CCDC33: variants seen among roughly 807,000 people sequenced by gnomAD.
CCDC33 encodes the protein coiled-coil domain containing 33, also known as coiled-coil domain-containing protein 33.
CCDC33 carries 94 observed loss-of-function variants against 91.9 expected under a neutral mutation model. The ratio of observed to expected loss-of-function variants is 1.02; its 90% CI spans 0.87 to 1.21. The LOEUF is 1.21. Among genes scored for constraint, CCDC33 ranks in the 50% most tolerant of loss-of-function variants. CCDC33 has a pLI of 0.00. For missense variants in CCDC33, 940 were observed against 935.5 expected (o/e 1.00, Z -0.06); for synonymous variants, 396 against 374.5 (o/e 1.06, Z -0.66).
downstream of CCDC33, chr15:74,336,422 C>T (rs1470254164): frequency 1.5e-6 from 2 of 1,301,992 alleles, no homozygotes; most frequent in Non-Finnish European, 2.0e-6. Flanking sequence ...GGAGGCTTGT[C>T]CTTTTCATCT....
At chr15:74,297,544 A>G (rs1363963706) in intron 11 of CCDC33, among the ~76,000 whole-genome samples, 2 of 152,156 alleles carry the variant, frequency 1.3e-5, no homozygotes, top group African/African-American at 4.8e-5. Flanking sequence ...AATTCAAAAA[A>G]TTAGCTGGAC....
rs151301345 is a variant in CCDC33, at chr15:74,305,630, A to T, written c.1290+9682A>T. Among the ~76,000 whole-genome samples the T allele has an allele frequency of 1.4e-4, 21 of 151,746 alleles. No homozygotes were observed. The East Asian group carries it at 3.7e-3, about 27-fold the overall frequency. ...TGTCTGGTGCCCCCAACCTCCTCAG[A>T]CCCCCAGCTGTCTCTCCTTTCCCTG... is the stretch of plus-strand genomic sequence containing the variant. On this transcript the variant is annotated intron_variant, in intron 11 of 18. Transcript: ENST00000398814.
At chr15:74,224,846 G>T (rs2074736060) in intron 2 of CCDC33, among the ~76,000 whole-genome samples, 1 of 152,158 alleles carries the variant, frequency 6.6e-6, no homozygotes, top group African/African-American at 2.4e-5. Flanking sequence ...TCTGGGCCTT[G>T]GTTTCTGCAC....
At chr15:74,263,756 G>A (rs2076091080) in intron 3 of CCDC33, among the ~76,000 whole-genome samples, 1 of 152,160 alleles carries the variant, frequency 6.6e-6, no homozygotes, top group South Asian at 2.1e-4. Context: ...TGTACTTGTA[G>A]GCATGCATGT....
At chr15:74,320,910 A>G (rs1339301198) in intron 11 of CCDC33, among the ~76,000 whole-genome samples, 4 of 152,090 alleles carry the variant, frequency 2.6e-5, no homozygotes, top group Non-Finnish European at 5.9e-5. Flanking sequence ...AGTGGGTTCT[A>G]TTGTCCTTCA....
chr15:74,206,185 C>T (rs915105504), intron 1 of CCDC33, among the ~76,000 whole-genome samples: 6 of 152,122 alleles, frequency 3.9e-5, no homozygotes, highest in Non-Finnish European at 8.8e-5. Flanking sequence ...TTGTGACTTC[C>T]TAGGTGCCCC....
intron 9 of CCDC33, 32 bp downstream of exon 9, chr15:74,280,833 C>T (rs373552583): frequency 3.2e-5 from 46 of 1,432,294 alleles, no homozygotes; most frequent in Admixed American, 2.3e-4. Flanking sequence ...GGGCCCCTAG[C>T]GTGCCCACCT....
At chr15:74,333,275 A>T (rs754606202) in intron 16 of CCDC33, 7 of 1,602,478 alleles carry the variant, frequency 4.4e-6, no homozygotes, top group Non-Finnish European at 5.1e-6. Flanking sequence ...GCTACAAGAG[A>T]CGCATGGCCC....
At chr15:74,248,036 C>T (rs1350645439) in intron 2 of CCDC33, among the ~76,000 whole-genome samples, 1 of 151,958 alleles carries the variant, frequency 6.6e-6, no homozygotes, top group African/African-American at 2.4e-5. Flanking sequence ...GAGACTGTGC[C>T]AGTGCACTCC....
At chr15:74,231,299 A>C (rs79006680) in intron 2 of CCDC33, among the ~76,000 whole-genome samples, 229 of 152,330 alleles carry the variant, frequency 1.5e-3, no homozygotes, top group African/African-American at 5.4e-3. Context: ...CTCATAATCA[A>C]ACAGCCCTGC....
At chr15:74,215,885 AAAAAGAAAG>A (rs2074432505), upstream of CCDC33, among the ~76,000 whole-genome samples, 1 of 147,528 alleles carries the variant, frequency 6.8e-6, no homozygotes, top group African/African-American at 2.6e-5. Context: ...AAAAAAAAAA[AAAAAGAAAG>A]AAAGAAAGAA....
At chr15:74,291,495 G>A (rs964687967) in intron 10 of CCDC33, among the ~76,000 whole-genome samples, 1 of 152,266 alleles carries the variant, frequency 6.6e-6, no homozygotes, top group Non-Finnish European at 1.5e-5. Context: ...CCAGCGGGGC[G>A]AGGGACAAAT....
In CCDC33 at chr15:74,205,634, A is replaced by G. The variant is rs183308159; in HGVS notation, n.89+2536A>G. ...TGGAGGGCACACACATCCAAACCAT[A>G]TCGGGCACTGAAGAAAGGCAATCAG... On this transcript the variant is annotated intron_variant and non_coding_transcript_variant, in intron 1 of 3. Coordinates refer to the CCDC33 transcript ENST00000558645. 1.8e-4 allele frequency among the ~76,000 whole-genome samples: 28 copies of G among 152,336 alleles called. No individual in the cohort carries two copies. In the East Asian group the frequency reaches 5.0e-3, roughly 27 times the overall value.
upstream of CCDC33, chr15:74,217,136 G>A (rs1376885792): frequency 1.9e-6 from 1 of 514,956 alleles, no homozygotes; most frequent in African/African-American, 2.0e-5. Flanking sequence ...CTTGTTACCT[G>A]GTTTCTCCTC....
At chr15:74,315,770 CCCCAGAGGT>C (rs2060077775) in intron 11 of CCDC33, among the ~76,000 whole-genome samples, 1 of 152,170 alleles carries the variant, frequency 6.6e-6, no homozygotes, top group Non-Finnish European at 1.5e-5. Context: ...CTGTTTGTTC[CCCCAGAGGT>C]TCTGAGGCCA....
chr15:74,330,599 G>T, intron 12 of CCDC33, 64 bp from the exon 13 acceptor site: 1 of 1,340,440 alleles, frequency 7.5e-7, no homozygotes, highest in South Asian at 1.2e-5. Flanking sequence ...TCCTGCTACT[G>T]ACCATGCTGA....
In CCDC33 at chr15:74,336,015, A is replaced by G. The variant is rs1389969979; in HGVS notation, c.2230A>G (p.Ser744Gly). 1 of 1,613,966 alleles carries G rather than the reference A, an allele frequency of 6.2e-7. No individual in the cohort carries two copies. Among genetic ancestry groups the G allele is most frequent in the South Asian group, 1.1e-5 (1 of 91,074 alleles). ...SSDSKLNKPL[S>G]PQKETANSQQ... ...AGACTCTAAGCTCAACAAGCCCTTG[A>G]GCCCCCAGAAGGAGACCGCTAACTC... The change falls in exon 19 of 19, where the codon AGC (serine) becomes GGC (glycine). Residue 744 changes from serine to glycine, a missense_variant. By Grantham distance (56) the Ser-to-Gly change is moderately conservative (BLOSUM62 0). Coordinates refer to ENST00000398814, the MANE Select transcript of CCDC33 (RefSeq NM_025055.5).
intron 2 of CCDC33, among the ~76,000 whole-genome samples, chr15:74,228,472 G>A (rs1448174412): frequency 6.6e-6 from 1 of 152,222 alleles, no homozygotes; most frequent in Non-Finnish European, 1.5e-5. Flanking sequence ...GGTAGGCAAG[G>A]GTTGGACGGA....
chr15:74,324,213 A>G (rs550267058), intron 11 of CCDC33, among the ~76,000 whole-genome samples: 5 of 151,038 alleles, frequency 3.3e-5, no homozygotes, highest in Non-Finnish European at 7.4e-5. Context: ...TTTTACCTTC[A>G]TGGAGAGGGC....
Sources: gnomAD v4.1 joint callset for allele counts (sites outside exome capture counted in the v4.1 genomes callset) on GRCh38, gnomAD v4.1.1 for gene constraint, MANE v1.5 for transcripts, NCBI Gene and HGNC (gene_info 2026-07-23, HGNC 2026-07-21) for gene names.